NDST4: variants seen among roughly 807,000 people sequenced by gnomAD.
NDST4 encodes N-heparan sulfate sulfotransferase 4.
In NDST4, 63 loss-of-function variants were observed where a neutral mutation model predicts 100.8. The ratio of observed to expected loss-of-function variants is 0.62; its 90% CI spans 0.51 to 0.77. NDST4 has a LOEUF of 0.77. NDST4 is among the 30% of genes least tolerant of loss of function. NDST4 has a pLI of 0.00. For synonymous variants in NDST4, 377 were observed against 361.8 expected, an observed-to-expected ratio of 1.04 and a Z score of -0.48; for missense variants, 943 against 1,018.4, an observed-to-expected ratio of 0.93 and a Z score of 1.01.
chr4:114,861,889 C>A (rs555810930), intron 7 of NDST4, among the ~76,000 whole-genome samples: 3 of 152,262 alleles, frequency 2.0e-5, no homozygotes, highest in Admixed American at 6.5e-5. Flanking sequence ...AGCTTCTTCC[C>A]ACTCTTGTCT....
intron 2 of NDST4, among the ~76,000 whole-genome samples, chr4:115,070,281 A>G (rs1424791265): frequency 6.6e-6 from 1 of 152,200 alleles, no homozygotes; most frequent in African/African-American, 2.4e-5. Context: ...ATGTAGCTGG[A>G]GGCCATTATC....
At chr4:115,025,832 C>T (rs111828225) in intron 2 of NDST4, among the ~76,000 whole-genome samples, 2,198 of 152,140 alleles carry the variant, frequency 0.014, 50 homozygotes, top group African/African-American at 0.047. Context: ...CATATCTATG[C>T]GGTACGATTT....
chr4:115,033,649 C>T (rs1028256421), intron 2 of NDST4, among the ~76,000 whole-genome samples: 1 of 151,902 alleles, frequency 6.6e-6, no homozygotes, highest in South Asian at 2.1e-4. Context: ...AGGGTTACAA[C>T]ATTTATTATT....
intron 8 of NDST4, among the ~76,000 whole-genome samples, chr4:114,848,800 C>T (rs143790082): frequency 1.5e-4 from 23 of 152,186 alleles, no homozygotes; most frequent in Admixed American, 5.2e-4. Flanking sequence ...GTGTATGGTC[C>T]GGAAGTAACT....
intron 1 of NDST4, among the ~76,000 whole-genome samples, chr4:115,099,580 T>C (rs1378114328): frequency 6.6e-6 from 1 of 152,164 alleles, no homozygotes; most frequent in Non-Finnish European, 1.5e-5. Context: ...CATCATATGG[T>C]ACTGGGGAGT....
intron 1 of NDST4, among the ~76,000 whole-genome samples, chr4:115,112,566 T>C (rs1729976879): frequency 6.6e-6 from 1 of 151,910 alleles, no homozygotes; most frequent in Non-Finnish European, 1.5e-5. Flanking sequence ...CTTATCATAA[T>C]AAACAAAACA....
chr4:114,912,394 G>A (rs916688380), intron 6 of NDST4, among the ~76,000 whole-genome samples: 9 of 152,124 alleles, frequency 5.9e-5, no homozygotes, highest in African/African-American at 2.2e-4. Context: ...CTGGAGGAAT[G>A]GAGACTTCGT....
At position 115,097,247 on chromosome 4, in the gene NDST4, C is replaced by T. The variant is rs115952087; in HGVS notation, c.-247+16197G>A. Among the ~76,000 whole-genome samples the T allele has an allele frequency of 2.5e-3, 378 of 152,166 alleles. 1 individual carries two copies. Among genetic ancestry groups the T allele is most frequent in the African/African-American group, 8.7e-3 (362 of 41,544 alleles). ...CTTCCAGCTAAATCTATTACCAACT[C>T]CTGTTTGTATATCTAACCACATATG... On this transcript the variant is annotated intron_variant, in intron 1 of 13. Coordinates refer to ENST00000264363, the MANE Select transcript of NDST4 (RefSeq NM_022569.3).
intron 6 of NDST4, among the ~76,000 whole-genome samples, chr4:114,918,526 A>G (rs907871307): frequency 6.0e-5 from 9 of 150,724 alleles, no homozygotes; most frequent in African/African-American, 2.0e-4. Context: ...CATGTACCCT[A>G]AAACTTAAAC....
At chr4:114,840,083 A>G (rs777074561) in intron 10 of NDST4, among the ~76,000 whole-genome samples, 2 of 152,166 alleles carry the variant, frequency 1.3e-5, no homozygotes, top group Non-Finnish European at 2.9e-5. Flanking sequence ...CCTGTGTATC[A>G]GGTGCTATGG....
At chr4:114,910,608 C>T (rs1690758580) in intron 6 of NDST4, among the ~76,000 whole-genome samples, 2 of 152,052 alleles carry the variant, frequency 1.3e-5, no homozygotes, top group South Asian at 2.1e-4. Flanking sequence ...TCATTCAGTC[C>T]TGTAATTTTA....
At chr4:114,872,052 T>C (rs1453191444) in intron 6 of NDST4, among the ~76,000 whole-genome samples, 1 of 151,968 alleles carries the variant, frequency 6.6e-6, no homozygotes, top group East Asian at 1.9e-4. Flanking sequence ...TTTTAAGGGT[T>C]TATGTTTCTT....
intron 6 of NDST4, among the ~76,000 whole-genome samples, chr4:114,898,347 C>T (rs1395038740): frequency 6.6e-6 from 1 of 152,046 alleles, no homozygotes; most frequent in Non-Finnish European, 1.5e-5. Flanking sequence ...TCTTCTTTGT[C>T]AAAGATCAGC....
At chr4:115,022,706 T>C (rs1489614616) in intron 2 of NDST4, among the ~76,000 whole-genome samples, 1 of 152,120 alleles carries the variant, frequency 6.6e-6, no homozygotes, top group African/African-American at 2.4e-5. Context: ...CCACATATCA[T>C]GGGAGGAACC....
intron 7 of NDST4, among the ~76,000 whole-genome samples, chr4:114,863,725 A>C (rs1425951822): frequency 6.6e-6 from 1 of 152,230 alleles, no homozygotes; most frequent in Non-Finnish European, 1.5e-5. Flanking sequence ...CATGTAACTC[A>C]GCTGTCACAC....
At chr4:114,868,188 T>C (rs966166879) in intron 7 of NDST4, among the ~76,000 whole-genome samples, 20 of 152,132 alleles carry the variant, frequency 1.3e-4, no homozygotes, top group Admixed American at 6.6e-5. Flanking sequence ...CACTTGTAAA[T>C]ACAAAAGAGT....
chr4:114,839,246 C>T, intron 11 of NDST4, 132 bp downstream of exon 11: 2 of 710,078 alleles, frequency 2.8e-6, no homozygotes, highest in Non-Finnish European at 4.3e-6. Context: ...AATGTTAATT[C>T]CCATTTTCTG....
chr4:115,036,113 CA>C (rs1728228033), intron 2 of NDST4, among the ~76,000 whole-genome samples: 1 of 151,706 alleles, frequency 6.6e-6, no homozygotes, highest in Admixed American at 6.6e-5. Context: ...TGTAGTAACA[CA>C]AAAATTATTT....
chr4:114,980,281 T>C (rs1726737753), intron 2 of NDST4, among the ~76,000 whole-genome samples: 1 of 152,202 alleles, frequency 6.6e-6, no homozygotes, highest in South Asian at 2.1e-4. Context: ...AATAAAATAG[T>C]AAAGCTCAGG....
Sources: gnomAD v4.1 joint callset for allele counts (sites outside exome capture counted in the v4.1 genomes callset) on GRCh38, gnomAD v4.1.1 for gene constraint, MANE v1.5 for transcripts, NCBI Gene and HGNC (gene_info 2026-07-23, HGNC 2026-07-21) for gene names.